BMP5: variants seen among roughly 807,000 people sequenced by gnomAD.
The protein encoded by BMP5 is bone morphogenetic protein 5.
In BMP5, 23 loss-of-function variants were observed where a neutral mutation model predicts 46.6. That is an observed-to-expected ratio of 0.49 (90% CI 0.35 to 0.70). The LOEUF (loss-of-function observed/expected upper bound fraction) is 0.70, where lower values mean the gene tolerates loss of function less well. Among genes scored for constraint, BMP5 ranks in the 30% least tolerant of loss-of-function variants. BMP5 has a pLI of 0.00. For missense variants in BMP5, 545 were observed against 565.6 expected, an observed-to-expected ratio of 0.96 and a Z score of 0.37; for synonymous variants, 204 against 191.9, an observed-to-expected ratio of 1.06 and a Z score of -0.52.
At chr6:55,786,041 T>C (rs9475406) in intron 3 of BMP5, among the ~76,000 whole-genome samples, 3,586 of 151,834 alleles carry the variant, frequency 0.024, 134 homozygotes, top group African/African-American at 0.081. Context: ...AGAATGTGTA[T>C]ATGCCTGGGT....
rs144629096 is a variant in BMP5 at position 55,812,318 on chromosome 6, T to C, written c.683+7337A>G. ...TAAATTGGGAAGGTGGGAGAAATGGTAGGAATAAAATATATAATTTTAAGA... is the reference window on the plus strand; with the variant it reads ...TAAATTGGGAAGGTGGGAGAAATGGCAGGAATAAAATATATAATTTTAAGA... On this transcript the variant is annotated intron_variant, in intron 2 of 6. Transcript: ENST00000370830. Among the ~76,000 whole-genome samples, 1,034 of 152,194 alleles carry C rather than the reference T, an allele frequency of 6.8e-3. 14 individuals are homozygous for C. The highest frequency in any genetic ancestry group is 0.023 in the African/African-American group (974 of 41,514).
chr6:55,819,146 C>T (rs958306557), intron 2 of BMP5, among the ~76,000 whole-genome samples: 1 of 152,110 alleles, frequency 6.6e-6, no homozygotes, highest in Non-Finnish European at 1.5e-5. Flanking sequence ...GGTTTTTATG[C>T]ATTTAGTATT....
At chr6:55,759,625 C>T (rs910851786) in intron 5 of BMP5, among the ~76,000 whole-genome samples, 3 of 151,826 alleles carry the variant, frequency 2.0e-5, no homozygotes, top group African/African-American at 7.2e-5. Flanking sequence ...AATATTTTTT[C>T]TGCATGCTGT....
chr6:55,776,490 A>G (rs1775175304), intron 3 of BMP5, among the ~76,000 whole-genome samples: 1 of 151,894 alleles, frequency 6.6e-6, no homozygotes, highest in East Asian at 1.9e-4. Context: ...GTTATAGAAT[A>G]GAATAACTAG....
At chr6:55,803,710 C>A (rs1180781499) in intron 2 of BMP5, among the ~76,000 whole-genome samples, 1 of 152,170 alleles carries the variant, frequency 6.6e-6, no homozygotes, top group Non-Finnish European at 1.5e-5. Context: ...AAGATCACCT[C>A]CTTCAGCTTC....
At chr6:55,862,679 G>A (rs1036718307) in intron 1 of BMP5, among the ~76,000 whole-genome samples, 1 of 152,150 alleles carries the variant, frequency 6.6e-6, no homozygotes, top group South Asian at 2.1e-4. Context: ...ATTTTGGAAT[G>A]TACAATTAGC....
In BMP5 at chr6:55,774,037, G is replaced by T. The variant is rs752036358; in HGVS notation, c.1027+12C>A. 2.5e-6 allele frequency: 4 copies of T among 1,611,610 alleles called. No individual in the cohort carries two copies. Among genetic ancestry groups the T allele is most frequent in the Non-Finnish European group, 3.4e-6 (4 of 1,178,856 alleles). The stretch of plus-strand genomic sequence containing the variant: ...CTCTCTGTGCATAACTGCTGCTCGG[G>T]TTTATTCTTACCTCCAACACTGGAC... On this transcript the variant is annotated intron_variant, in intron 4 of 6. Transcript: ENST00000370830.
At chr6:55,841,139 A>G (rs1434330807) in intron 1 of BMP5, among the ~76,000 whole-genome samples, 1 of 152,180 alleles carries the variant, frequency 6.6e-6, no homozygotes, top group Non-Finnish European at 1.5e-5. Flanking sequence ...ATGGAACAAC[A>G]GGTTCATAGC....
Position 55,794,398 on chromosome 6 carries a change from C to T in BMP5, c.713G>A (p.Arg238Lys), listed in dbSNP as rs558466198. 6.2e-7 allele frequency: 1 copy of T among 1,613,948 alleles called. No individual in the cohort carries two copies. The highest frequency in any genetic ancestry group is 1.1e-5 in the South Asian group (1 of 91,074). The change falls in exon 3 of 7, where the codon AGA becomes AAA. Residue 238 changes from arginine (R) to lysine (K), a missense_variant. Physicochemically the swap from Arg to Lys is conservative, Grantham distance 26. Transcript: ENST00000370830. ...ACCCACATCTAAAGCTTGGGCCTTT[C>T]TTGTGTCTAACAAGAACAGATCTGC... Reference protein sequence around the residue: ...RDADLFLLDTRKAQALDVGWL... With the variant: ...RDADLFLLDTKKAQALDVGWL...
chr6:55,755,775 C>T (rs1774577777), intron 6 of BMP5, 93 bp from the exon 7 acceptor site: 1 of 1,219,434 alleles, frequency 8.2e-7, no homozygotes, highest in Non-Finnish European at 1.2e-6. Context: ...CACTCATAAT[C>T]AGGCACACCA....
rs540389175 is a variant in BMP5, at chr6:55,755,593, G to T, written c.1305C>A (p.Ser435Arg). The change falls in exon 7 of 7, where the codon AGC (serine) becomes AGA (arginine). Residue 435 changes from serine (S) to arginine (R), a missense_variant. By Grantham distance (110) the Ser-to-Arg change is moderately radical. Coordinates refer to ENST00000370830, the MANE Select transcript of BMP5 (RefSeq NM_021073.4). Reference protein sequence around the residue: ...NAISVLYFDDSSNVILKKYRN... With the variant: ...NAISVLYFDDRSNVILKKYRN... The stretch of plus-strand genomic sequence containing the variant: ...TATATTTTTTCAAAATGACATTGGA[G>T]CTGTCATCAAAGTACAGAACAGAGA... 5 of 1,611,860 alleles carry T rather than the reference G, an allele frequency of 3.1e-6. No individual in the cohort carries two copies. The South Asian group carries it at 5.5e-5, about 18-fold the overall frequency.
At chr6:55,819,211 G>A (rs1434670151) in intron 2 of BMP5, among the ~76,000 whole-genome samples, 4 of 152,082 alleles carry the variant, frequency 2.6e-5, no homozygotes, top group Non-Finnish European at 5.9e-5. Context: ...TATAGACAGA[G>A]GACATCAAAA....
At chr6:55,862,406 A>C (rs1777544162) in intron 1 of BMP5, among the ~76,000 whole-genome samples, 1 of 152,192 alleles carries the variant, frequency 6.6e-6, no homozygotes, top group Non-Finnish European at 1.5e-5. Context: ...CTTTTATTTC[A>C]ATTTATAATT....
chr6:55,858,799 C>T lies in BMP5; in HGVS notation c.490+15577G>A, dbSNP rs561723647. On this transcript the variant is annotated intron_variant, in intron 1 of 6. Transcript: ENST00000370830. ...CACATATACACAATGGAATACTATG[C>T]AGCCATAAAAAAGAATGAGTTCACG... Among the ~76,000 whole-genome samples the T allele has an allele frequency of 7.2e-5, 11 of 152,256 alleles. No individual in the cohort carries two copies. The Middle Eastern group carries it at 0.01, about 141-fold the overall frequency.
At chr6:55,785,995 TA>T (rs1438162159) in intron 3 of BMP5, among the ~76,000 whole-genome samples, 4 of 151,912 alleles carry the variant, frequency 2.6e-5, no homozygotes, top group Admixed American at 2.6e-4. Flanking sequence ...GATTTTCAAC[TA>T]TGAATTTATA....
chr6:55,777,372 C>G lies in BMP5; in HGVS notation c.833-3129G>C, dbSNP rs878962000. ...TATTGCAAATATATAACTGAAGAAG[C>G]CTACCTAAAGCATTTTGATTTAGAA... On this transcript the variant is annotated intron_variant, in intron 3 of 6. Coordinates refer to ENST00000370830, the MANE Select transcript of BMP5 (RefSeq NM_021073.4). 2.0e-5 allele frequency among the ~76,000 whole-genome samples: 3 copies of G among 151,742 alleles called. No individual in the cohort carries two copies. In the South Asian group the frequency reaches 6.2e-4, roughly 31 times the overall value.
chr6:55,802,248 A>T (rs1235545736), intron 2 of BMP5, among the ~76,000 whole-genome samples: 1 of 152,174 alleles, frequency 6.6e-6, no homozygotes, highest in Admixed American at 6.5e-5. Context: ...AGTTCTATTA[A>T]ATTGGAAGTT....
chr6:55,757,650 T>TC (rs932669580), intron 6 of BMP5, among the ~76,000 whole-genome samples: 1 of 151,650 alleles, frequency 6.6e-6, no homozygotes, highest in Non-Finnish European at 1.5e-5. Context: ...AGACTTTAAA[T>TC]CCCCCCAGAA....
intron 1 of BMP5, among the ~76,000 whole-genome samples, chr6:55,860,963 A>T (rs1262686933): frequency 2.0e-5 from 3 of 152,232 alleles, no homozygotes; most frequent in African/African-American, 7.2e-5. Flanking sequence ...TGTGTGATAC[A>T]GGGGCAATGA....
Sources: gnomAD v4.1 joint callset for allele counts (sites outside exome capture counted in the v4.1 genomes callset) on GRCh38, gnomAD v4.1.1 for gene constraint, MANE v1.5 for transcripts, NCBI Gene and HGNC (gene_info 2026-07-23, HGNC 2026-07-21) for gene names.